APOL2: variants seen among roughly 807,000 people sequenced by gnomAD.
APOL2 encodes the protein apolipoprotein L2, also known as apolipoprotein L, 2.
In APOL2, 8 loss-of-function variants were observed where a neutral mutation model predicts 7.1. The ratio of observed to expected loss-of-function variants is 1.12; its 90% CI spans 0.66 to 2.03. The LOEUF (loss-of-function observed/expected upper bound fraction) is 2.03. Ranked by LOEUF, APOL2 falls within the 30% of genes most tolerant of loss-of-function variation. APOL2 has a pLI of 0.00. For missense variants in APOL2, 471 were observed against 415.1 expected, an observed-to-expected ratio of 1.13 and a Z score of -1.17; for synonymous variants, 177 against 159.9, an observed-to-expected ratio of 1.11 and a Z score of -0.81.
intron 4 of APOL2, among the ~76,000 whole-genome samples, chr22:36,229,961 C>A (rs1283922325): frequency 1.3e-5 from 2 of 152,220 alleles, no homozygotes; most frequent in Non-Finnish European, 2.9e-5. Context: ...GACCTACCAC[C>A]TGCACCCCCA....
intron 4 of APOL2, among the ~76,000 whole-genome samples, chr22:36,230,545 G>T (rs980943616): frequency 3.3e-5 from 5 of 152,046 alleles, no homozygotes; most frequent in East Asian, 3.9e-4. Flanking sequence ...CCAAACCAAG[G>T]CTGACTCTTA....
In APOL2 at chr22:36,228,372, G is replaced by A. The variant is rs574995957; in HGVS notation, c.138-92C>T. 2.0e-6 allele frequency: 3 copies of A among 1,470,276 alleles called. No homozygotes were observed. The African/African-American group carries it at 4.2e-5, about 21-fold the overall frequency. 91.1% of individuals were successfully genotyped at this position (1,470,276 alleles called of 1,614,324 possible). A position where few individuals can be genotyped will look rare whatever the true frequency, so the allele number is the denominator to read the frequency against. On this transcript the variant is annotated intron_variant, in intron 4 of 4. Coordinates refer to ENST00000358502, the MANE Select transcript of APOL2 (RefSeq NM_030882.4). ...ATCTCTATCCTGTGTAAATTGCAGA[G>A]CTTTCACTATCAATCAAATAGAAAC...
chr22:36,233,548 A>C, intron 1 of APOL2, 93 bp from the exon 2 acceptor site: 7 of 1,176,766 alleles, frequency 5.9e-6, no homozygotes, highest in Non-Finnish European at 8.5e-6. Flanking sequence ...TAGAGATGGG[A>C]GGGAACATTC....
At chr22:36,235,777 G>C (rs1018256789) in intron 1 of APOL2, among the ~76,000 whole-genome samples, 1 of 151,236 alleles carries the variant, frequency 6.6e-6, no homozygotes, top group Non-Finnish European at 1.5e-5. Context: ...GTGTGTGTGT[G>C]TGTGTGTGTG....
Position 36,233,444 on chromosome 22 carries a change from G to A in APOL2, c.-122C>T, listed in dbSNP as rs1390557585. The A allele has an allele frequency of 5.2e-6, 8 of 1,550,410 alleles. No individual in the cohort carries two copies. Among genetic ancestry groups the A allele is most frequent in the Non-Finnish European group, 7.0e-6 (8 of 1,147,420 alleles). ...TTCCCTCACTCTCACACCAAGGCAGGGTCCTCTTGTCCTGTAGGGGTATGA... is the reference window on the plus strand; with the variant it reads ...TTCCCTCACTCTCACACCAAGGCAGAGTCCTCTTGTCCTGTAGGGGTATGA... On this transcript the variant is annotated 5_prime_UTR_variant, in exon 2 of 5. Transcript: ENST00000358502.
Position 36,232,925 on chromosome 22 carries a change from G to A in APOL2, c.10+228C>T, listed in dbSNP as rs568348159. On this transcript the variant is annotated intron_variant, in intron 3 of 4. Transcript: ENST00000358502. ...GAGTCATCTGCTGGGTGACAGGGTA[G>A]GGAGGAAGTGGGCACCTGGGCCGTG... Among the ~76,000 whole-genome samples the A allele has an allele frequency of 3.9e-5, 6 of 152,160 alleles. No individual in the cohort carries two copies. In the South Asian group the frequency reaches 1.2e-3, roughly 32 times the overall value.
At chr22:36,232,048 A>T (rs2015243044) in intron 3 of APOL2, among the ~76,000 whole-genome samples, 1 of 152,224 alleles carries the variant, frequency 6.6e-6, no homozygotes, top group Non-Finnish European at 1.5e-5. Flanking sequence ...CTGGATTCGG[A>T]GAACTTCCTA....
chr22:36,227,072 T>C lies in APOL2; in HGVS notation c.*332A>G, dbSNP rs2015018605. On this transcript the variant is annotated 3_prime_UTR_variant, in exon 5 of 5. Coordinates refer to ENST00000358502, the MANE Select transcript of APOL2 (RefSeq NM_030882.4). Reference sequence around the variant, plus strand: ...GGCTCACGCCTGTAATCCCAGCACTTTGGGAGGCCGAGGTGGGCAGATCAC... The same window carrying C: ...GGCTCACGCCTGTAATCCCAGCACTCTGGGAGGCCGAGGTGGGCAGATCAC... The C allele has an allele frequency of 4.7e-6, 1 of 213,108 alleles. No individual in the cohort carries two copies. Among genetic ancestry groups the C allele is most frequent in the Non-Finnish European group, 9.3e-6 (1 of 107,344 alleles). 13.2% of individuals were successfully genotyped at this position (213,108 alleles called of 1,614,324 possible).
At chr22:36,233,656 TC>T (rs1213743502) in intron 1 of APOL2, among the ~76,000 whole-genome samples, 1 of 152,206 alleles carries the variant, frequency 6.6e-6, no homozygotes, top group Non-Finnish European at 1.5e-5. Flanking sequence ...GACATGTATC[TC>T]ATTCGATGAT....
chr22:36,227,945 G>C lies in APOL2; in HGVS notation c.473C>G (p.Ala158Gly), dbSNP rs2015075299. ...LLDTGMGLGA[A>G]AAVAGITCSV... ...GCAGGTAATCCCAGCCACAGCAGCTGCTGCTCCCAGACCCATGCCAGTGTC... is the reference window on the plus strand; with the variant it reads ...GCAGGTAATCCCAGCCACAGCAGCTCCTGCTCCCAGACCCATGCCAGTGTC... Residue 158 changes from alanine to glycine, a missense_variant, in exon 5 of 5, where the codon GCA (alanine) becomes GGA (glycine). Ala to Gly is a moderately conservative substitution (Grantham distance 60, BLOSUM62 0). Coordinates refer to ENST00000358502, the MANE Select transcript of APOL2 (RefSeq NM_030882.4). 2.5e-6 allele frequency: 4 copies of C among 1,614,220 alleles called. No individual in the cohort carries two copies. The highest frequency in any genetic ancestry group is 3.4e-6 in the Non-Finnish European group (4 of 1,180,036).
At chr22:36,231,618 G>A (rs964933171) in intron 3 of APOL2, 152 bp from the exon 4 acceptor site, 41 of 961,964 alleles carry the variant, frequency 4.3e-5, no homozygotes, top group Non-Finnish European at 6.2e-5. Flanking sequence ...GGGATTGTGT[G>A]CCCCCAAAAT....
rs566274473 is a variant in APOL2, at chr22:36,239,269, C to A, written c.-134+172G>T. The A allele has an allele frequency of 1.0e-5, 14 of 1,374,250 alleles. No homozygotes were observed. In the East Asian group the frequency reaches 2.9e-4, roughly 29 times the overall value. The allele number at this position is 1,374,250 out of a possible 1,614,324, so 85.1% of individuals were successfully genotyped here. A position where few individuals can be genotyped will look rare whatever the true frequency, so the allele number is the denominator to read the frequency against. ...TACCCGCCCAGCAGGAGGGAGGGAG[C>A]AATCAGACTCAAGCCTGGGTGCAAA... On this transcript the variant is annotated intron_variant, in intron 1 of 4. Coordinates refer to ENST00000358502, the MANE Select transcript of APOL2 (RefSeq NM_030882.4).
intron 1 of APOL2, chr22:36,237,511 T>A (rs1603481032): frequency 2.3e-6 from 1 of 442,444 alleles, no homozygotes; most frequent in Non-Finnish European, 3.1e-6. Flanking sequence ...TGGGCTCAAG[T>A]GATCCTTCTG....
At chr22:36,231,605 A>G (rs2146973844) in intron 3 of APOL2, 139 bp from the exon 4 acceptor site, 1 of 1,079,386 alleles carries the variant, frequency 9.3e-7, no homozygotes, top group Middle Eastern at 2.1e-4. Context: ...TCAGTGCTAT[A>G]GAGGGATTGT....
chr22:36,228,545 C>T (rs183060388), intron 4 of APOL2, among the ~76,000 whole-genome samples: 92 of 152,328 alleles, frequency 6.0e-4, no homozygotes, highest in African/African-American at 2.1e-3. Flanking sequence ...AAAGATGCCT[C>T]CTCACTCAAG....
chr22:36,230,432 T>C (rs1026013544), intron 4 of APOL2, among the ~76,000 whole-genome samples: 1 of 152,266 alleles, frequency 6.6e-6, no homozygotes, highest in East Asian at 1.9e-4. Flanking sequence ...CCCACTCACA[T>C]GTCCTCTGCA....
At chr22:36,236,952 C>T in intron 1 of APOL2, 4 of 1,338,660 alleles carry the variant, frequency 3.0e-6, no homozygotes, top group Non-Finnish European at 1.9e-6. Flanking sequence ...CACTCTGTGA[C>T]ACCCTAGGCC....
At chr22:36,239,389 A>G (rs2015523444) in intron 1 of APOL2, 52 bp downstream of exon 1, 2 of 1,469,136 alleles carry the variant, frequency 1.4e-6, no homozygotes, top group Non-Finnish European at 1.8e-6. Flanking sequence ...TCCCTTATAG[A>G]GCTATTGCAA....
intron 3 of APOL2, 33 bp from the exon 4 acceptor site, chr22:36,231,499 G>A: frequency 6.2e-7 from 1 of 1,608,918 alleles, no homozygotes; most frequent in Non-Finnish European, 8.5e-7. Flanking sequence ...AAGGTTGGAG[G>A]ATAGTGTAGG....
Sources: allele counts gnomAD v4.1 joint callset (sites outside exome capture counted in the v4.1 genomes callset), GRCh38; gene constraint gnomAD v4.1.1; transcripts MANE v1.5; gene names NCBI Gene and HGNC (gene_info 2026-07-23, HGNC 2026-07-21).